Variants in DCP2 observed in about 807,000 individuals in gnomAD.
DCP2 encodes m7GpppN-mRNA hydrolase.
Under a neutral mutation model 56.1 loss-of-function variants are expected in DCP2, and 30 were observed. The observed-to-expected ratio is 0.53, with a 90% CI of 0.40 to 0.73. The LOEUF (loss-of-function observed/expected upper bound fraction) is 0.73, where lower values mean the gene tolerates loss of function less well. Ranked by LOEUF, DCP2 falls within the 30% of genes least tolerant of loss-of-function variation. The pLI is 0.00. For missense variants in DCP2, 533 were observed against 502.7 expected (o/e 1.06, Z -0.58); for synonymous variants, 197 against 163.3 (o/e 1.21, Z -1.57).
chr5:112,986,981 C>T (rs114383304), intron 2 of DCP2, among the ~76,000 whole-genome samples: 183 of 152,222 alleles, frequency 1.2e-3, no homozygotes, highest in Non-Finnish European at 2.3e-3. Context: ...CCAGCCTGGA[C>T]GGCAGAGTGA....
At chr5:112,989,541 A>G (rs530399754) in intron 2 of DCP2, among the ~76,000 whole-genome samples, 10 of 152,336 alleles carry the variant, frequency 6.6e-5, no homozygotes, top group Admixed American at 4.6e-4. Flanking sequence ...TAAATGGGAA[A>G]GATAAGAGAT....
At position 113,003,982 on chromosome 5, in the gene DCP2, G is replaced by A. The variant is rs1345726153; in HGVS notation, c.847G>A (p.Gly283Ser). The A allele has an allele frequency of 3.1e-6, 5 of 1,614,068 alleles. No homozygotes were observed. The highest frequency in any genetic ancestry group is 3.3e-4 in the Middle Eastern group (2 of 6,062). Residue 283 changes from glycine (G) to serine (S), a missense_variant, in exon 8 of 11, where the codon GGT (glycine) becomes AGT (serine). Gly to Ser is a moderately conservative substitution (Grantham distance 56). This residue lies in a region of DCP2 where 392 missense variants were observed against 346.6 expected (regional missense o/e 1.13). Transcript: ENST00000389063. ...CCACAGTCAGCAGTTATTTCCTGAC[G>A]GTTCTCCTGGTGACCAGTGGGTAAA... ...FRHSQQLFPD[G>S]SPGDQWVKHR...
At chr5:113,012,905 G>A (rs1487031060) in intron 10 of DCP2, among the ~76,000 whole-genome samples, 2 of 152,000 alleles carry the variant, frequency 1.3e-5, no homozygotes, top group Non-Finnish European at 2.9e-5. Context: ...GCCTCCCAAA[G>A]TGCTGGGATT....
intron 1 of DCP2, among the ~76,000 whole-genome samples, chr5:112,978,912 G>A (rs1747860486): frequency 6.6e-6 from 1 of 152,124 alleles, no homozygotes; most frequent in Non-Finnish European, 1.5e-5. Context: ...AAAAGATGTG[G>A]TAATCTTAAA....
chr5:112,993,346 C>G (rs905317405), intron 4 of DCP2, among the ~76,000 whole-genome samples: 4 of 152,088 alleles, frequency 2.6e-5, no homozygotes, highest in Non-Finnish European at 4.4e-5. Flanking sequence ...TAAATTTTTG[C>G]TGTTATGGCC....
chr5:112,987,732 C>A (rs1216970099), intron 2 of DCP2, among the ~76,000 whole-genome samples: 2 of 149,114 alleles, frequency 1.3e-5, no homozygotes, highest in African/African-American at 4.9e-5. Flanking sequence ...CCTTGGCCTA[C>A]CAAAGTGCTG....
Position 112,992,256 on chromosome 5 carries a change from TAATGA to T in DCP2, c.333+12_333+16del. On this transcript the variant is annotated intron_variant, in intron 3 of 10. Transcript: ENST00000389063. ...GATGAGACACTTGAAAATGTGAGTGTAATGAAATAAAGATTTTTAGTGAAATGGTG... is the reference window on the plus strand; with the variant it reads ...GATGAGACACTTGAAAATGTGAGTGTAATAAAGATTTTTAGTGAAATGGTG... 1 of 1,605,372 alleles carries T rather than the reference TAATGA, an allele frequency of 6.2e-7. No individual in the cohort carries two copies. Among genetic ancestry groups the T allele is most frequent in the South Asian group, 1.1e-5 (1 of 89,040 alleles).
At chr5:112,983,104 C>T (rs1160055739) in intron 1 of DCP2, among the ~76,000 whole-genome samples, 1 of 152,158 alleles carries the variant, frequency 6.6e-6, no homozygotes, top group African/African-American at 2.4e-5. Context: ...GACTGCCATG[C>T]CAAGGGCATT....
chr5:113,004,198 G>C, intron 8 of DCP2, 121 bp downstream of exon 8: 1 of 1,119,832 alleles, frequency 8.9e-7, no homozygotes, highest in South Asian at 1.6e-5. Flanking sequence ...ATCAAAGCCT[G>C]TATGTTCCTT....
At chr5:112,992,475 T>C (rs1011789779) in intron 3 of DCP2, among the ~76,000 whole-genome samples, 197 bp from the exon 4 acceptor site, 3 of 149,524 alleles carry the variant, frequency 2.0e-5, no homozygotes, top group African/African-American at 7.3e-5. Flanking sequence ...GTTGAAGACT[T>C]TTTTTTTTTA....
rs1012775540 is a variant in DCP2 at position 113,009,991 on chromosome 5, T to C, written c.1048-765T>C. 1.2e-4 allele frequency among the ~76,000 whole-genome samples: 18 copies of C among 150,812 alleles called. 1 individual carries two copies. Among genetic ancestry groups the C allele is most frequent in the African/African-American group, 4.4e-4 (18 of 40,988 alleles). The stretch of plus-strand genomic sequence containing the variant: ...ACAATGGCACGTACATTGTTTACTG[T>C]AGCCTTGAACTTCTGGGCTCAAGCC... On this transcript the variant is annotated intron_variant, in intron 9 of 10. Coordinates refer to ENST00000389063, the MANE Select transcript of DCP2 (RefSeq NM_152624.6).
intron 1 of DCP2, among the ~76,000 whole-genome samples, chr5:112,977,301 C>T (rs2150163128): frequency 6.6e-6 from 1 of 152,278 alleles, no homozygotes; most frequent in African/African-American, 2.4e-5. Context: ...CGTTTTGCCG[C>T]CGCCGCCGCC....
intron 1 of DCP2, among the ~76,000 whole-genome samples, chr5:112,985,328 G>C (rs769818578): frequency 6.6e-6 from 1 of 152,138 alleles, no homozygotes; most frequent in Non-Finnish European, 1.5e-5. Flanking sequence ...GTTTTGAAAA[G>C]TGAGTGTATT....
chr5:112,991,285 T>C (rs2150175492), intron 2 of DCP2, among the ~76,000 whole-genome samples: 1 of 152,348 alleles, frequency 6.6e-6, no homozygotes, highest in African/African-American at 2.4e-5. Context: ...TGAGAGATAC[T>C]ATCATAAATT....
chr5:112,980,920 T>C lies in DCP2; in HGVS notation c.53+3934T>C, dbSNP rs1580789929. 2.6e-5 allele frequency among the ~76,000 whole-genome samples: 4 copies of C among 152,308 alleles called. No individual in the cohort carries two copies. In the South Asian group the frequency reaches 8.3e-4, roughly 32 times the overall value. On this transcript the variant is annotated intron_variant, in intron 1 of 10. Coordinates refer to ENST00000389063, the MANE Select transcript of DCP2 (RefSeq NM_152624.6). ...TGAGGATTTGGTTCAATTTCGTAGA[T>C]ACTAGATGAGAGTTCAGTTTACCAC... is the stretch of plus-strand genomic sequence containing the variant.
chr5:113,000,061 CAAAA>C (rs60251393), intron 4 of DCP2, among the ~76,000 whole-genome samples: 3 of 89,930 alleles, frequency 3.3e-5, no homozygotes, highest in East Asian at 3.2e-4. Context: ...AACTCCATCT[CAAAA>C]AAAAAAAAAA....
At chr5:112,977,098 T>C in intron 1 of DCP2, 112 bp downstream of exon 1, 2 of 741,892 alleles carry the variant, frequency 2.7e-6, no homozygotes, top group Non-Finnish European at 2.0e-6. Flanking sequence ...CGCTTTCCGC[T>C]CCCGCCGCTG....
chr5:113,022,167 TATAA>T lies in DCP2; in HGVS notation c.*8690_*8693del, dbSNP rs780775632. On this transcript the variant is annotated 3_prime_UTR_variant, in exon 11 of 11. Coordinates refer to ENST00000389063, the MANE Select transcript of DCP2 (RefSeq NM_152624.6). Reference sequence around the variant, plus strand: ...TTGTAAAATATTATAAATGTCTCTGTATAAATAAATGGAGTTTTTAAAAAACAAT... The same window carrying T: ...TTGTAAAATATTATAAATGTCTCTGTATAAATGGAGTTTTTAAAAAACAAT... 15 of 152,624 alleles carry T rather than the reference TATAA, an allele frequency of 9.8e-5. No homozygotes were observed. Among genetic ancestry groups the T allele is most frequent in the South Asian group, 4.1e-4 (2 of 4,834 alleles). 9.5% of individuals were successfully genotyped at this position (152,624 alleles called of 1,614,324 possible). A position where few individuals can be genotyped will look rare whatever the true frequency, so the allele number is the denominator to read the frequency against.
intron 2 of DCP2, among the ~76,000 whole-genome samples, chr5:112,990,610 TA>T (rs967185583): frequency 6.7e-5 from 10 of 149,938 alleles, no homozygotes; most frequent in African/African-American, 2.2e-4. Context: ...GCGCTTGTCT[TA>T]AAAAAAAAAT....
Sources: gnomAD v4.1 joint callset for allele counts (sites outside exome capture counted in the v4.1 genomes callset) on GRCh38, gnomAD v4.1.1 for gene constraint, gnomAD v4.1.1 regional missense constraint, MANE v1.5 for transcripts, NCBI Gene and HGNC (gene_info 2026-07-23, HGNC 2026-07-21) for gene names.